Variants in PACSIN3 observed in about 807,000 individuals in gnomAD.
PACSIN3 encodes protein kinase C and casein kinase substrate in neurons protein 3.
PACSIN3 carries 34 observed loss-of-function variants against 56.1 expected under a neutral mutation model. The observed-to-expected ratio is 0.61, with a 90% CI of 0.46 to 0.81. PACSIN3 has a LOEUF of 0.81. PACSIN3 is among the 30% of genes least tolerant of loss of function. The probability of loss-of-function intolerance (pLI) is 0.00; values close to 1 mark genes in which losing one functional copy is unlikely to be tolerated. For missense variants in PACSIN3, 535 were observed against 592.4 expected (o/e 0.90, Z 1.01); for synonymous variants, 218 against 229.8 (o/e 0.95, Z 0.46).
In PACSIN3 at chr11:47,177,998, T is replaced by C. The variant is rs2135448610; in HGVS notation, c.1208A>G (p.Gln403Arg). 2 of 1,614,144 alleles carry C rather than the reference T, an allele frequency of 1.2e-6. No homozygotes were observed. Among genetic ancestry groups the C allele is most frequent in the East Asian group, 4.5e-5 (2 of 44,894 alleles). Residue 403 changes from glutamine (Q) to arginine (R), a missense_variant, in exon 11 of 11, where the codon CAA (glutamine) becomes CGA (arginine). Physicochemically the swap from Gln to Arg is conservative, Grantham distance 43. Transcript: ENST00000298838. The part of the protein sequence containing the change: ...MSEEDEQGWC[Q>R]GQLQSGRIGL... Reference sequence around the variant, plus strand: ...AATGCGGCCACTCTGCAACTGGCCTTGGCACCAGCCCTGCTCGTCCTCCTC... The same window carrying C: ...AATGCGGCCACTCTGCAACTGGCCTCGGCACCAGCCCTGCTCGTCCTCCTC...
chr11:47,182,324 C>T, intron 4 of PACSIN3, 79 bp downstream of exon 4: 3 of 1,440,434 alleles, frequency 2.1e-6, no homozygotes, highest in Non-Finnish European at 2.8e-6. Context: ...CTCAAACTTC[C>T]CACGAGACGT....
Position 47,180,317 on chromosome 11 carries a change from G to C in PACSIN3, c.472C>G (p.His158Asp). Residue 158 changes from histidine (H) to aspartate (D), a missense_variant, in exon 6 of 11, where the codon CAC becomes GAC. His to Asp is a moderately conservative substitution (Grantham distance 81). Coordinates refer to ENST00000298838, the MANE Select transcript of PACSIN3 (RefSeq NM_016223.5). ...GTCTTCTCATCCTTCCGGGCTGCGT[G>C]GTAGCTTTTCTTGGAAGCCTCAACC... The part of the protein sequence containing the change: ...KEVEASKKSY[H>D]AARKDEKTAQ... 6.2e-7 allele frequency: 1 copy of C among 1,602,340 alleles called. No homozygotes were observed. Among genetic ancestry groups the C allele is most frequent in the Non-Finnish European group, 8.5e-7 (1 of 1,179,960 alleles).
intron 5 of PACSIN3, 54 bp from the exon 6 acceptor site, chr11:47,180,395 G>A (rs1204419513): frequency 1.6e-5 from 25 of 1,597,930 alleles, no homozygotes; most frequent in East Asian, 1.3e-4. Context: ...TGGCCCCCTC[G>A]ATCCCTTGCA....
At chr11:47,185,388 G>C (rs1313768913) in intron 1 of PACSIN3, 1 of 152,364 alleles carries the variant, frequency 6.6e-6, no homozygotes, top group Non-Finnish European at 1.5e-5. Flanking sequence ...GTCACAGGCT[G>C]CGCCCAAGGG....
chr11:47,182,687 C>G lies in PACSIN3; in HGVS notation c.41G>C (p.Gly14Ala), dbSNP rs889851202. 1 of 1,611,792 alleles carries G rather than the reference C, an allele frequency of 6.2e-7. No individual in the cohort carries two copies. Among genetic ancestry groups the G allele is most frequent in the Non-Finnish European group, 8.5e-7 (1 of 1,178,896 alleles). The change falls in exon 3 of 11, where the codon GGC becomes GCC. Residue 14 changes from glycine to alanine, a missense_variant. By Grantham distance (60) the Gly-to-Ala change is moderately conservative. Transcript: ENST00000298838. Reference protein sequence around the residue: ...EEDAGGEALGGSFWEAGNYRR... With the variant: ...EEDAGGEALGASFWEAGNYRR... ...CCAGCTGCTCACCTCCCAGAAACTG[C>G]CCCCTAAGGCCTCCCCTCCAGCGTC...
Position 47,180,263 on chromosome 11 carries a change from C to G in PACSIN3, c.526G>C (p.Ala176Pro). 6.2e-7 allele frequency: 1 copy of G among 1,603,720 alleles called. No homozygotes were observed. ...TGCTCCTGGGAGACGGCGCTGTCTG[C>G]CTTTGCGTGGCTCTCCCTCGTCTGG... ...TAQTRESHAK[A>P]DSAVSQEQLR... is the part of the protein sequence containing the mutation. Residue 176 changes from alanine to proline, a missense_variant, in exon 6 of 11, where the codon GCA (alanine) becomes CCA (proline). Transcript: ENST00000298838.
chr11:47,179,605 G>A lies in PACSIN3; in HGVS notation c.604-19C>T, dbSNP rs1476757177. On this transcript the variant is annotated intron_variant, in intron 6 of 10. Transcript: ENST00000298838. The surrounding 1 kb of genome is among the most constrained non-coding windows in gnomAD (Gnocchi z 4.4). ...CTTTTGTCTGGGTGGGAGAGGAGGG[G>A]CCTGGTGAGAACCAGACCTTCTTCC... The A allele has an allele frequency of 8.7e-6, 14 of 1,608,944 alleles. No individual in the cohort carries two copies. The highest frequency in any genetic ancestry group is 1.1e-5 in the Non-Finnish European group (13 of 1,179,198).
At position 47,177,937 on chromosome 11, in the gene PACSIN3, G is replaced by T; in HGVS notation, c.1269C>A (p.Gly423=). 6.2e-7 allele frequency: 1 copy of T among 1,612,586 alleles called. No individual in the cohort carries two copies. The highest frequency in any genetic ancestry group is 1.1e-5 in the South Asian group (1 of 91,076). ...AGAAGGGCTGTCAGGACACTCAGGC[G>T]CCCACACACTCCACGTAGTTGGCAG... The part of the protein sequence containing the change: ...LYPANYVECV[G]A Residue 423 remains glycine (G), a synonymous_variant, in exon 11 of 11, where the codon GGC becomes GGA. Transcript: ENST00000298838.
chr11:47,181,078 C>T (rs762610075), intron 4 of PACSIN3, among the ~76,000 whole-genome samples: 6 of 152,016 alleles, frequency 3.9e-5, no homozygotes, highest in South Asian at 2.1e-4. Flanking sequence ...CTGGCTAACA[C>T]GGTGAAACCC....
At chr11:47,182,608 G>A (rs1953049157) in intron 3 of PACSIN3, 49 bp from the exon 4 acceptor site, 1 of 1,603,726 alleles carries the variant, frequency 6.2e-7, no homozygotes, top group Admixed American at 1.7e-5. Flanking sequence ...GCTTCCTTTG[G>A]GGCTGGGGCT....
chr11:47,182,789 G>A, intron 2 of PACSIN3, 25 bp from the exon 3 acceptor site: 1 of 1,529,094 alleles, frequency 6.5e-7, no homozygotes, highest in Non-Finnish European at 8.9e-7. Context: ...GGGGTAAGCA[G>A]GAAAGCTGGA....
Position 47,180,266 on chromosome 11 carries a change from T to C in PACSIN3, c.523A>G (p.Lys175Glu), listed in dbSNP as rs746286522. 6.9e-6 allele frequency: 11 copies of C among 1,603,744 alleles called. No homozygotes were observed. In the South Asian group the frequency reaches 1.1e-4, roughly 16 times the overall value. ...TCCTGGGAGACGGCGCTGTCTGCCT[T>C]TGCGTGGCTCTCCCTCGTCTGGGCG... ...KTAQTRESHA[K>E]ADSAVSQEQL... is the part of the protein sequence containing the mutation. Residue 175 changes from lysine (K) to glutamate (E), a missense_variant, in exon 6 of 11, where the codon AAG becomes GAG. Transcript: ENST00000298838.
chr11:47,180,125 A>AAGATTCATTCAGGAAGCC, intron 6 of PACSIN3, 61 bp downstream of exon 6: 2 of 1,495,908 alleles, frequency 1.3e-6, no homozygotes, highest in African/African-American at 2.7e-5. Flanking sequence ...TTCAGGGAGC[A>AAGATTCATTCAGGAAGCC]AGATTCATTC....
At position 47,179,778 on chromosome 11, in the gene PACSIN3, TAA is replaced by T. The variant is rs1275431029; in HGVS notation, c.604-194_604-193del. The T allele has an allele frequency of 5.0e-6, 3 of 595,294 alleles. No individual in the cohort carries two copies. The highest frequency in any genetic ancestry group is 8.9e-6 in the Non-Finnish European group (3 of 337,622). 36.9% of individuals were successfully genotyped at this position (595,294 alleles called of 1,614,324 possible). On this transcript the variant is annotated intron_variant, in intron 6 of 10. Coordinates refer to ENST00000298838, the MANE Select transcript of PACSIN3 (RefSeq NM_016223.5). The surrounding 1 kb of genome is among the most constrained non-coding windows in gnomAD (Gnocchi z 4.4). ...GGGAGGTGACATCAGGCACAGCATA[TAA>T]AAGAGTCTGGTGAGGATTGAAATGA...
chr11:47,180,074 G>A (rs1031525606), intron 6 of PACSIN3, 112 bp downstream of exon 6: 15 of 941,486 alleles, frequency 1.6e-5, no homozygotes, highest in Non-Finnish European at 4.9e-6. Flanking sequence ...GGTGGCAGGT[G>A]AGGAATAGGG....
Position 47,180,688 on chromosome 11 carries a change from G to A in PACSIN3, c.214C>T (p.Pro72Ser). 6.3e-7 allele frequency: 1 copy of A among 1,594,480 alleles called. No homozygotes were observed. The highest frequency in any genetic ancestry group is 8.5e-7 in the Non-Finnish European group (1 of 1,176,034). The change falls in exon 5 of 11, where the codon CCC becomes TCC. Residue 72 changes from proline to serine, a missense_variant and splice_region_variant. Coordinates refer to ENST00000298838, the MANE Select transcript of PACSIN3 (RefSeq NM_016223.5). ...GCCTTCTCCAGTGTGCCATACTGGG[G>A]GCCTGCAGGGAGGGACAGGGCTTAG... ...RKWRGTVEKG[P>S]QYGTLEKAWH... is the part of the protein sequence containing the mutation.
chr11:47,184,978 C>G (rs368558895), intron 1 of PACSIN3, among the ~76,000 whole-genome samples: 219 of 152,342 alleles, frequency 1.4e-3, no homozygotes, highest in African/African-American at 4.9e-3. Context: ...GCCCCGGGTG[C>G]AGCCAGGCCC....
rs770454820 is a variant in PACSIN3, at chr11:47,182,521, G to A, written c.93C>T (p.Asp31=). 48 of 1,612,770 alleles carry A rather than the reference G, an allele frequency of 3.0e-5. No individual in the cohort carries two copies. Among genetic ancestry groups the A allele is most frequent in the African/African-American group, 2.8e-4 (21 of 74,934 alleles). Residue 31 remains aspartate (D), a synonymous_variant, in exon 4 of 11, where the codon GAC becomes GAT. Coordinates refer to ENST00000298838, the MANE Select transcript of PACSIN3 (RefSeq NM_016223.5). ...NYRRTVQRVE[D]GHRLCGDLVS... ...CCAGGTCCCCGCACAGCCGGTGCCC[G>A]TCCTCCACCCGCTGTACCGTGCGCC...
chr11:47,178,222 A>C lies in PACSIN3; in HGVS notation c.1159+144T>G. On this transcript the variant is annotated intron_variant, in intron 10 of 10. Transcript: ENST00000298838. The surrounding 1 kb of genome is among the most constrained non-coding windows in gnomAD (Gnocchi z 4.2). ...CCCACCCCAGACCCTGAATGCAGCC[A>C]CCAGGCACCAGCTATCTGGACCTGG... 8.0e-7 allele frequency: 1 copy of C among 1,257,678 alleles called. No homozygotes were observed. The highest frequency in any genetic ancestry group is 1.1e-6 in the Non-Finnish European group (1 of 887,294). The allele number at this position is 1,257,678 out of a possible 1,614,324, so 77.9% of individuals were successfully genotyped here. A position where few individuals can be genotyped will look rare whatever the true frequency, so the allele number is the denominator to read the frequency against.
Sources: allele counts gnomAD v4.1 joint callset (sites outside exome capture counted in the v4.1 genomes callset), GRCh38; gene constraint gnomAD v4.1.1; non-coding constraint Gnocchi (gnomAD v3.1); transcripts MANE v1.5; gene names NCBI Gene and HGNC (gene_info 2026-07-23, HGNC 2026-07-21).